The following SHROOM3 variants were observed in gnomAD, a reference collection of about 807,000 sequenced individuals.
The protein encoded by SHROOM3 is shroom family member 3.
A neutral mutation model predicts 138.6 loss-of-function variants in SHROOM3; 47 were observed. The observed-to-expected ratio is 0.34, with a 90% CI of 0.27 to 0.43. The LOEUF (loss-of-function observed/expected upper bound fraction) is 0.43. Ranked by LOEUF, SHROOM3 falls within the 20% of genes least tolerant of loss-of-function variation. SHROOM3 has a pLI of 1.00. For synonymous variants in SHROOM3, 1,062 were observed against 1,063.3 expected (o/e 1.00, Z 0.02); for missense variants, 2,491 against 2,596.5 (o/e 0.96, Z 0.88).
intron 2 of SHROOM3, among the ~76,000 whole-genome samples, chr4:76,679,740 C>T (rs745973531): frequency 1.2e-4 from 18 of 152,176 alleles, no homozygotes; most frequent in Non-Finnish European, 4.4e-5. Context: ...TCCAGCTCAG[C>T]CTGTCCATCC....
At chr4:76,639,008 G>A (rs1735582791) in intron 2 of SHROOM3, 1 of 152,186 alleles carries the variant, frequency 6.6e-6, no homozygotes, top group South Asian at 2.1e-4. Context: ...CTACGGACCA[G>A]TAAGCCCTTA....
In SHROOM3 at chr4:76,740,012, G is replaced by C. The variant is rs61741120; in HGVS notation, c.1839G>C (p.Ala613=). The change falls in exon 5 of 11, where the codon GCG becomes GCC. Residue 613 remains alanine, a synonymous_variant. Transcript: ENST00000296043. This position sits in a 1 kb window ranked among gnomAD's most constrained non-coding sequence, Gnocchi z 4.0. ...LKCPQAQAWQ[A]GEDKRSSRLS... ...GCCCTCAGGCTCAGGCCTGGCAAGC[G>C]GGTGAAGACAAGAGATCTTCCAGGC... is the stretch of plus-strand genomic sequence containing the variant. 8.1e-6 allele frequency: 13 copies of C among 1,613,846 alleles called. No individual in the cohort carries two copies. The highest frequency in any genetic ancestry group is 1.0e-5 in the Non-Finnish European group (12 of 1,180,054).
intron 2 of SHROOM3, among the ~76,000 whole-genome samples, chr4:76,562,693 A>G: frequency 6.6e-6 from 1 of 152,048 alleles, no homozygotes; most frequent in East Asian, 1.9e-4. Context: ...CCACCCCCTC[A>G]CCTGCCTGAC....
At chr4:76,720,284 A>G (rs1230260609) in intron 3 of SHROOM3, among the ~76,000 whole-genome samples, 1 of 148,244 alleles carries the variant, frequency 6.7e-6, no homozygotes, top group Non-Finnish European at 1.5e-5. Context: ...TCCCTTTGCT[A>G]ATGGAGTGTT....
chr4:76,635,742 T>C (rs1056374925), intron 2 of SHROOM3, among the ~76,000 whole-genome samples: 1 of 152,192 alleles, frequency 6.6e-6, no homozygotes, highest in Non-Finnish European at 1.5e-5. Context: ...AGAGTAATCT[T>C]AGGTGCTCAG....
At chr4:76,539,346 C>T (rs1271621432) in intron 1 of SHROOM3, among the ~76,000 whole-genome samples, 1 of 152,128 alleles carries the variant, frequency 6.6e-6, no homozygotes, top group African/African-American at 2.4e-5. Flanking sequence ...AAGCCTTCCT[C>T]TAGGGATGGT....
chr4:76,484,460 A>G (rs1731686436), intron 1 of SHROOM3, among the ~76,000 whole-genome samples: 1 of 151,986 alleles, frequency 6.6e-6, no homozygotes, highest in African/African-American at 2.4e-5. Context: ...AGTCCCAGCT[A>G]CTTGGGAGGC....
intron 2 of SHROOM3, among the ~76,000 whole-genome samples, chr4:76,667,966 CAA>C (rs747974205): frequency 1.3e-4 from 8 of 62,558 alleles, no homozygotes; most frequent in Admixed American, 4.3e-4. Flanking sequence ...GACTCCCTCT[CAA>C]AAAAAAAAAA....
chr4:76,739,971 C>T lies in SHROOM3; in HGVS notation c.1798C>T (p.Pro600Ser). The part of the protein sequence containing the change: ...STHSNKPSSH[P>S]HSLKCPQAQA... ...CCACAGTAACAAACCATCTTCTCAT[C>T]CCCACAGCCTCAAATGCCCTCAGGC... Residue 600 changes from proline (P) to serine (S), a missense_variant, in exon 5 of 11, where the codon CCC (proline) becomes TCC (serine). By Grantham distance (74) the Pro-to-Ser change is moderately conservative. Coordinates refer to ENST00000296043, the MANE Select transcript of SHROOM3 (RefSeq NM_020859.4). 3.7e-6 allele frequency: 6 copies of T among 1,614,142 alleles called. No individual in the cohort carries two copies. The highest frequency in any genetic ancestry group is 1.1e-5 in the South Asian group (1 of 91,088).
chr4:76,733,230 G>A (rs1720933267), intron 4 of SHROOM3, among the ~76,000 whole-genome samples: 1 of 152,184 alleles, frequency 6.6e-6, no homozygotes, highest in African/African-American at 2.4e-5. Context: ...GTAGGCCTCA[G>A]GGGAATGGGG....
Position 76,509,116 on chromosome 4 carries a change from A to G in SHROOM3, c.169-46493A>G, listed in dbSNP as rs867987006. On this transcript the variant is annotated intron_variant, in intron 1 of 10. Coordinates refer to ENST00000296043, the MANE Select transcript of SHROOM3 (RefSeq NM_020859.4). ...ACATGAATTTTGGAGGGACACATACATTCAAACCATAGCAATATGTTTTGC... is the reference window on the plus strand; with the variant it reads ...ACATGAATTTTGGAGGGACACATACGTTCAAACCATAGCAATATGTTTTGC... Among the ~76,000 whole-genome samples the G allele has an allele frequency of 1.1e-4, 17 of 152,320 alleles. No individual in the cohort carries two copies. The Middle Eastern group carries it at 0.01, about 91-fold the overall frequency.
In SHROOM3 at chr4:76,739,783, A is replaced by C. The variant is rs1721187400; in HGVS notation, c.1610A>C (p.Asp537Ala). 3 of 1,613,992 alleles carry C rather than the reference A, an allele frequency of 1.9e-6. No individual in the cohort carries two copies. The highest frequency in any genetic ancestry group is 2.5e-6 in the Non-Finnish European group (3 of 1,180,018). ...GFAFCQPLEH[D>A]LLSPVEKKPE... The stretch of plus-strand genomic sequence containing the variant: ...GCCTTCTGCCAGCCCTTAGAACATG[A>C]CTTGCTGTCCCCAGTGGAGAAGAAA... Residue 537 changes from aspartate to alanine, a missense_variant, in exon 5 of 11, where the codon GAC (aspartate) becomes GCC (alanine). Around this residue, in one of 4 missense-constraint regions of SHROOM3, gnomAD observed 1,733 missense variants for 1,661.6 expected, o/e 1.04. Coordinates refer to ENST00000296043, the MANE Select transcript of SHROOM3 (RefSeq NM_020859.4).
chr4:76,570,415 G>T (rs904201158), intron 2 of SHROOM3, among the ~76,000 whole-genome samples: 6 of 152,244 alleles, frequency 3.9e-5, no homozygotes, highest in South Asian at 4.1e-4. Context: ...GGCTGTGGCT[G>T]GTGTGCAATC....
At chr4:76,481,264 C>T (rs969932278) in intron 1 of SHROOM3, among the ~76,000 whole-genome samples, 1 of 151,972 alleles carries the variant, frequency 6.6e-6, no homozygotes, top group Non-Finnish European at 1.5e-5. Context: ...AGGGAAGCAT[C>T]AAATAGATAC....
intron 1 of SHROOM3, among the ~76,000 whole-genome samples, chr4:76,521,898 G>A (rs1445833313): frequency 6.6e-6 from 1 of 152,164 alleles, no homozygotes; most frequent in East Asian, 1.9e-4. Flanking sequence ...GCAAGTCAGT[G>A]TCATAATGTG....
intron 4 of SHROOM3, among the ~76,000 whole-genome samples, chr4:76,737,227 T>C (rs963233251): frequency 1.3e-5 from 2 of 152,170 alleles, no homozygotes; most frequent in Non-Finnish European, 2.9e-5. Context: ...AAATGCATTT[T>C]AGTTTCTTTC....
intron 2 of SHROOM3, among the ~76,000 whole-genome samples, chr4:76,631,656 G>T (rs993250113): frequency 6.6e-6 from 1 of 152,186 alleles, no homozygotes; most frequent in Non-Finnish European, 1.5e-5. Context: ...GAAGCACAGC[G>T]AGCAGGGTTG....
intron 2 of SHROOM3, among the ~76,000 whole-genome samples, chr4:76,563,012 C>A (rs1733630186): frequency 6.6e-6 from 1 of 152,162 alleles, no homozygotes; most frequent in African/African-American, 2.4e-5. Flanking sequence ...CATCTGGATT[C>A]CAGTCTCAGT....
rs149630464 is a variant in SHROOM3 at position 76,547,322 on chromosome 4, C to T, written c.169-8287C>T. Among the ~76,000 whole-genome samples the T allele has an allele frequency of 7.9e-5, 12 of 152,292 alleles. No individual in the cohort carries two copies. In the East Asian group the frequency reaches 2.3e-3, roughly 29 times the overall value. On this transcript the variant is annotated intron_variant, in intron 1 of 10. Coordinates refer to ENST00000296043, the MANE Select transcript of SHROOM3 (RefSeq NM_020859.4). ...CTCTATTGTTTTACTGACTGTGCAA[C>T]ATGGAGCAAGTCATTGCCTTCTTCT...
Sources: allele counts gnomAD v4.1 joint callset (sites outside exome capture counted in the v4.1 genomes callset), GRCh38; gene constraint gnomAD v4.1.1; regional missense constraint gnomAD v4.1.1; non-coding constraint Gnocchi (gnomAD v3.1); transcripts MANE v1.5; gene names NCBI Gene and HGNC (gene_info 2026-07-23, HGNC 2026-07-21).